The following PKLR variants were observed in gnomAD, a reference collection of about 807,000 sequenced individuals.
PKLR encodes the protein pyruvate kinase PKLR.
Under a neutral mutation model 53.6 loss-of-function variants are expected in PKLR, and 38 were observed. The observed-to-expected ratio is 0.71, with a 90% CI of 0.55 to 0.93. The LOEUF is 0.93. PKLR is among the 40% of genes least tolerant of loss of function. The probability of loss-of-function intolerance (pLI) is 0.00; values close to 1 mark genes in which losing one functional copy is unlikely to be tolerated. For missense variants in PKLR, 702 were observed against 787.3 expected, an observed-to-expected ratio of 0.89 and a Z score of 1.30; for synonymous variants, 328 against 316.2, an observed-to-expected ratio of 1.04 and a Z score of -0.39.
At chr1:155,292,903 T>C (rs1336661831) in intron 9 of PKLR, among the ~76,000 whole-genome samples, 1 of 152,174 alleles carries the variant, frequency 6.6e-6, no homozygotes, top group Non-Finnish European at 1.5e-5. Context: ...TCAGTATTGG[T>C]AGGCTCTGTG....
chr1:155,290,970 A>G (rs1469969647), intron 10 of PKLR, among the ~76,000 whole-genome samples: 1 of 149,826 alleles, frequency 6.7e-6, no homozygotes, highest in East Asian at 2.0e-4. Flanking sequence ...GCCTGGGGAC[A>G]GAGCAAGACT....
chr1:155,298,578 C>T (rs1647728098), intron 2 of PKLR, among the ~76,000 whole-genome samples: 2 of 151,826 alleles, frequency 1.3e-5, no homozygotes, highest in Admixed American at 6.6e-5. Context: ...CCGCCCGCCT[C>T]GGCCTCCCAA....
chr1:155,304,809 G>C (rs1320919818), upstream of PKLR, among the ~76,000 whole-genome samples: 2 of 152,200 alleles, frequency 1.3e-5, no homozygotes, highest in African/African-American at 4.8e-5. Context: ...TGTTCATCGA[G>C]CACACTTCCT....
At chr1:155,302,237 CTT>C (rs35615990), upstream of PKLR, among the ~76,000 whole-genome samples, 58 of 118,906 alleles carry the variant, frequency 4.9e-4, no homozygotes, top group East Asian at 5.9e-3. Context: ...CTTTTCTTTT[CTT>C]TTTTTTTTTT....
chr1:155,295,375 C>G lies in PKLR; in HGVS notation c.507+62G>C. ...GGACCCGCCCCTGCCCACGCCTGGG[C>G]CCAACCCTACAGGCGCCGCCTTTCC... is the stretch of plus-strand genomic sequence containing the variant. On this transcript the variant is annotated intron_variant, in intron 4 of 10. Coordinates refer to ENST00000342741, the MANE Select transcript of PKLR (RefSeq NM_000298.6). The surrounding 1 kb of genome is among the most constrained non-coding windows in gnomAD (Gnocchi z 4.3). 1 of 1,612,880 alleles carries G rather than the reference C, an allele frequency of 6.2e-7. No individual in the cohort carries two copies. The highest frequency in any genetic ancestry group is 1.7e-4 in the Middle Eastern group (1 of 6,056).
In PKLR at chr1:155,294,398, G is replaced by T. The variant is rs1463120386; in HGVS notation, c.966-13C>A. On this transcript the variant is annotated splice_polypyrimidine_tract_variant and intron_variant, in intron 6 of 10. Coordinates refer to ENST00000342741, the MANE Select transcript of PKLR (RefSeq NM_000298.6). Reference sequence around the variant, plus strand: ...GATTTCATCAAACCTGAGAGGTTGGGAGAATCAAGGCAGAGGCAGGCAGGA... The same window carrying T: ...GATTTCATCAAACCTGAGAGGTTGGTAGAATCAAGGCAGAGGCAGGCAGGA... 1 of 1,614,218 alleles carries T rather than the reference G, an allele frequency of 6.2e-7. No homozygotes were observed. Among genetic ancestry groups the T allele is most frequent in the Non-Finnish European group, 8.5e-7 (1 of 1,180,042 alleles).
chr1:155,298,939 G>T (rs1274395952), intron 2 of PKLR, among the ~76,000 whole-genome samples: 1 of 150,920 alleles, frequency 6.6e-6, no homozygotes, highest in Non-Finnish European at 1.5e-5. Flanking sequence ...CACCATGCCC[G>T]GCCAACTTTC....
Position 155,294,228 on chromosome 1 carries a change from T to C in PKLR, c.1116+7A>G. 6.2e-7 allele frequency: 1 copy of C among 1,614,108 alleles called. No individual in the cohort carries two copies. Among genetic ancestry groups the C allele is most frequent in the Non-Finnish European group, 8.5e-7 (1 of 1,179,988 alleles). On this transcript the variant is annotated splice_region_variant and intron_variant, in intron 7 of 10. Coordinates refer to ENST00000342741, the MANE Select transcript of PKLR (RefSeq NM_000298.6). The stretch of plus-strand genomic sequence containing the variant: ...AGAGTGCCGAACCTCAAGGCCTCAC[T>C]CCAGACCTGTGTGGCACAGACAACA...
chr1:155,292,837 G>T (rs1647293158), intron 9 of PKLR, among the ~76,000 whole-genome samples: 1 of 152,152 alleles, frequency 6.6e-6, no homozygotes, highest in Non-Finnish European at 1.5e-5. Flanking sequence ...GGCTAATAGA[G>T]CTACATTTCT....
chr1:155,293,124 C>T lies in PKLR; in HGVS notation c.1436+53G>A. ...CTAAACCCAAGCCTGGGGCCCGTCC[C>T]AGCCCACCCCTGACCCAAAGCTCCA... On this transcript the variant is annotated intron_variant, in intron 9 of 10. Coordinates refer to ENST00000342741, the MANE Select transcript of PKLR (RefSeq NM_000298.6). The surrounding 1 kb of genome is among the most constrained non-coding windows in gnomAD (Gnocchi z 4.2). 1.9e-6 allele frequency: 3 copies of T among 1,566,602 alleles called. 1 individual carries two copies. Among genetic ancestry groups the T allele is most frequent in the African/African-American group, 2.7e-5 (2 of 74,036 alleles).
At chr1:155,299,161 C>G (rs190692494) in intron 2 of PKLR, among the ~76,000 whole-genome samples, 4 of 127,164 alleles carry the variant, frequency 3.1e-5, no homozygotes, top group Admixed American at 2.5e-4. Flanking sequence ...TTCCTTCTTT[C>G]TCTCTCTCTT....
In PKLR at chr1:155,295,003, A is replaced by G; in HGVS notation, c.694+113T>C. 7.8e-7 allele frequency: 1 copy of G among 1,288,556 alleles called. No individual in the cohort carries two copies. Among genetic ancestry groups the G allele is most frequent in the South Asian group, 1.3e-5 (1 of 79,994 alleles). The allele number at this position is 1,288,556 out of a possible 1,614,324, so 79.8% of individuals were successfully genotyped here. A position where few individuals can be genotyped will look rare whatever the true frequency, so the allele number is the denominator to read the frequency against. The stretch of plus-strand genomic sequence containing the variant: ...CTGGGGACTCCTGGGACGGGCTGGC[A>G]AAAACGCGTGGCCAGGGGAAGGTGT... On this transcript the variant is annotated intron_variant, in intron 5 of 10. Coordinates refer to ENST00000342741, the MANE Select transcript of PKLR (RefSeq NM_000298.6). This position sits in a 1 kb window ranked among gnomAD's most constrained non-coding sequence, Gnocchi z 4.3.
At chr1:155,292,461 C>A (rs574251195) in intron 9 of PKLR, among the ~76,000 whole-genome samples, 1 of 152,168 alleles carries the variant, frequency 6.6e-6, no homozygotes, top group African/African-American at 2.4e-5. Context: ...CATGATGAAA[C>A]CCTGTCTCTA....
intron 7 of PKLR, 25 bp downstream of exon 7, chr1:155,294,210 C>G (rs756099389): frequency 1.9e-6 from 3 of 1,613,710 alleles, no homozygotes; most frequent in East Asian, 2.2e-5. Context: ...CACAGAGTGC[C>G]GAACCTCAAG....
rs201169481 is a variant in PKLR at position 155,301,397 on chromosome 1, C to T, written c.-2G>A. ...TGATATGTTCTCCTGGATCGACATG[C>T]TTTCAGTGTGGGCCTGGGGCTGCGG... is the stretch of plus-strand genomic sequence containing the variant. On this transcript the variant is annotated 5_prime_UTR_variant, in exon 1 of 11. Transcript: ENST00000342741. 212 of 1,614,026 alleles carry T rather than the reference C, an allele frequency of 1.3e-4. 2 individuals are homozygous for T. Among genetic ancestry groups the T allele is most frequent in the Non-Finnish European group, 5.9e-6 (7 of 1,179,982 alleles).
Position 155,301,420 on chromosome 1 carries a change from C to T in PKLR, c.-25G>A, listed in dbSNP as rs374904337. ...TGCTTTCAGTGTGGGCCTGGGGCTG[C>T]GGGACCATGGAATGAGAGGGAGAGG... On this transcript the variant is annotated 5_prime_UTR_variant, in exon 1 of 11. Transcript: ENST00000342741. The T allele has an allele frequency of 1.1e-5, 18 of 1,613,654 alleles. No homozygotes were observed. The highest frequency in any genetic ancestry group is 1.1e-4 in the African/African-American group (8 of 74,770).
In PKLR at chr1:155,294,117, A is replaced by C. The variant is rs1647398637; in HGVS notation, c.1116+118T>G. On this transcript the variant is annotated intron_variant, in intron 7 of 10. Transcript: ENST00000342741. ...CACTGCACTCCAGCCTGGATGACAG[A>C]GTGAGACTCCGTCTCAAAAAACAAA... The C allele has an allele frequency of 7.8e-6, 9 of 1,151,792 alleles. No individual in the cohort carries two copies. In the South Asian group the frequency reaches 1.1e-4, roughly 14 times the overall value. The allele number at this position is 1,151,792 out of a possible 1,614,324, so 71.3% of individuals were successfully genotyped here. A position where few individuals can be genotyped will look rare whatever the true frequency, so the allele number is the denominator to read the frequency against.
chr1:155,291,373 G>A (rs958474098), intron 10 of PKLR, among the ~76,000 whole-genome samples: 1 of 151,946 alleles, frequency 6.6e-6, no homozygotes, highest in African/African-American at 2.4e-5. Context: ...GCGCATGCCT[G>A]TAGTCCCAGC....
chr1:155,295,423 G>A lies in PKLR; in HGVS notation c.507+14C>T, dbSNP rs201156800. On this transcript the variant is annotated intron_variant, in intron 4 of 10. Coordinates refer to ENST00000342741, the MANE Select transcript of PKLR (RefSeq NM_000298.6). The surrounding 1 kb of genome is among the most constrained non-coding windows in gnomAD (Gnocchi z 4.3). ...TCCGGCCCTGGCCCAGCGAGTCCCA[G>A]CCCCACTGCTCACCCCCTGCAGGAT... 3 of 1,611,130 alleles carry A rather than the reference G, an allele frequency of 1.9e-6. No individual in the cohort carries two copies. The highest frequency in any genetic ancestry group is 2.5e-6 in the Non-Finnish European group (3 of 1,178,736).
Sources: gnomAD v4.1 joint callset for allele counts (sites outside exome capture counted in the v4.1 genomes callset) on GRCh38, gnomAD v4.1.1 for gene constraint, Gnocchi (gnomAD v3.1) non-coding constraint, MANE v1.5 for transcripts, NCBI Gene and HGNC (gene_info 2026-07-23, HGNC 2026-07-21) for gene names.